The following TDRD7 variants were observed in gnomAD, a reference collection of about 807,000 sequenced individuals.
TDRD7 encodes tudor domain-containing protein 7.
A neutral mutation model predicts 109.8 loss-of-function variants in TDRD7; 47 were observed. The ratio of observed to expected loss-of-function variants is 0.43; its 90% CI spans 0.34 to 0.55. The LOEUF (loss-of-function observed/expected upper bound fraction) is 0.55, where lower values mean the gene tolerates loss of function less well. TDRD7 is among the 20% of genes least tolerant of loss of function. The pLI, the probability that TDRD7 is intolerant of heterozygous loss-of-function variation, is 0.03. For missense variants in TDRD7, 1,164 were observed against 1,319.2 expected (o/e 0.88, Z 1.82); for synonymous variants, 424 against 457.3 (o/e 0.93, Z 0.93).
intron 12 of TDRD7, among the ~76,000 whole-genome samples, chr9:97,476,897 C>G (rs1829031748): frequency 6.6e-6 from 1 of 152,036 alleles, no homozygotes; most frequent in Non-Finnish European, 1.5e-5. Flanking sequence ...AAAACTTGGT[C>G]ATGTCTACTT....
chr9:97,472,611 G>A (rs368639229), intron 10 of TDRD7, 116 bp downstream of exon 10: 1 of 910,762 alleles, frequency 1.1e-6, no homozygotes, highest in East Asian at 2.6e-5. Context: ...TTACATTGAG[G>A]GGAAAAAAGG....
At chr9:97,451,575 C>T (rs760503691) in intron 6 of TDRD7, among the ~76,000 whole-genome samples, 8 of 152,204 alleles carry the variant, frequency 5.3e-5, no homozygotes, top group South Asian at 2.1e-4. Context: ...TATAGGCGTG[C>T]GCTGCTGCAC....
intron 12 of TDRD7, among the ~76,000 whole-genome samples, chr9:97,477,104 TACTA>T (rs1168041970): frequency 2.0e-5 from 3 of 152,232 alleles, no homozygotes; most frequent in Non-Finnish European, 4.4e-5. Flanking sequence ...AGTGTATGCA[TACTA>T]ACTTTTTCAA....
chr9:97,479,166 C>T (rs1264019902), intron 13 of TDRD7, among the ~76,000 whole-genome samples: 1 of 152,156 alleles, frequency 6.6e-6, no homozygotes, highest in African/African-American at 2.4e-5. Flanking sequence ...TATTCTACAA[C>T]TTCAAGATGC....
chr9:97,422,787 T>C (rs1471961766), intron 1 of TDRD7, among the ~76,000 whole-genome samples: 2 of 152,192 alleles, frequency 1.3e-5, no homozygotes, highest in Non-Finnish European at 2.9e-5. Context: ...ATTGATATGA[T>C]TGTGTTGTTT....
chr9:97,426,052 T>C (rs928367891), intron 1 of TDRD7, among the ~76,000 whole-genome samples: 1 of 152,070 alleles, frequency 6.6e-6, no homozygotes, highest in African/African-American at 2.4e-5. Flanking sequence ...AGTAAAAATA[T>C]GGTATATAAA....
At chr9:97,469,622 G>T (rs1461733532) in intron 8 of TDRD7, among the ~76,000 whole-genome samples, 1 of 152,072 alleles carries the variant, frequency 6.6e-6, no homozygotes, top group Admixed American at 6.6e-5. Flanking sequence ...TTGTTGTTTT[G>T]TTTGCTTTGT....
At chr9:97,489,248 C>T (rs1436147963) in intron 16 of TDRD7, among the ~76,000 whole-genome samples, 3 of 152,194 alleles carry the variant, frequency 2.0e-5, no homozygotes, top group Admixed American at 6.5e-5. Flanking sequence ...GTTTTAAAAT[C>T]TCTACCTATC....
At chr9:97,473,384 T>G (rs1268411632) in intron 10 of TDRD7, 108 bp from the exon 11 acceptor site, 20 of 1,477,202 alleles carry the variant, frequency 1.4e-5, no homozygotes, top group Non-Finnish European at 1.8e-5. Flanking sequence ...ACTTAAAGAT[T>G]TTAAAATGCA....
rs1157594986 is a variant in TDRD7, at chr9:97,459,731, A to G, written c.856-447A>G. 2.0e-5 allele frequency among the ~76,000 whole-genome samples: 3 copies of G among 152,240 alleles called. No individual in the cohort carries two copies. The South Asian group carries it at 6.2e-4, about 31-fold the overall frequency. On this transcript the variant is annotated intron_variant, in intron 6 of 16. Transcript: ENST00000355295. The stretch of plus-strand genomic sequence containing the variant: ...GGAAAGCCAAGGGTTTTCTCAGGCT[A>G]TTGCAAGAAGAAGAGAGATGGCACT...
At chr9:97,437,970 C>A (rs1434213269) in intron 4 of TDRD7, among the ~76,000 whole-genome samples, 1 of 152,028 alleles carries the variant, frequency 6.6e-6, no homozygotes, top group Non-Finnish European at 1.5e-5. Context: ...CTTTCCTCTC[C>A]AGTAGACCTC....
At chr9:97,454,152 T>C (rs937353027) in intron 6 of TDRD7, among the ~76,000 whole-genome samples, 1 of 152,152 alleles carries the variant, frequency 6.6e-6, no homozygotes, top group African/African-American at 2.4e-5. Flanking sequence ...GGAAGTAAAA[T>C]GCTCCTCAGC....
At chr9:97,461,171 G>T (rs1012184832) in intron 7 of TDRD7, among the ~76,000 whole-genome samples, 111 of 151,558 alleles carry the variant, frequency 7.3e-4, no homozygotes, top group South Asian at 2.1e-3. Context: ...CATATTCTTA[G>T]TTCTATAGAG....
chr9:97,434,581 A>T (rs1828161986), intron 4 of TDRD7, among the ~76,000 whole-genome samples: 1 of 152,162 alleles, frequency 6.6e-6, no homozygotes, highest in African/African-American at 2.4e-5. Flanking sequence ...TCAAAATATC[A>T]CATCATATTG....
At chr9:97,472,770 C>CA (rs1828944580) in intron 10 of TDRD7, among the ~76,000 whole-genome samples, 1 of 151,534 alleles carries the variant, frequency 6.6e-6, no homozygotes, top group Admixed American at 6.6e-5. Flanking sequence ...AAAAATAACA[C>CA]AAAAGAAGGG....
chr9:97,441,059 T>C (rs1358242780), intron 5 of TDRD7, among the ~76,000 whole-genome samples: 1 of 152,232 alleles, frequency 6.6e-6, no homozygotes, highest in Non-Finnish European at 1.5e-5. Flanking sequence ...AAACCTTTTA[T>C]GTTTATAAAC....
intron 15 of TDRD7, among the ~76,000 whole-genome samples, chr9:97,483,564 T>C (rs1829160019): frequency 1.3e-5 from 2 of 152,150 alleles, no homozygotes; most frequent in South Asian, 2.1e-4. Flanking sequence ...CCCAATTATA[T>C]AACTAAAATG....
At chr9:97,475,284 G>A in intron 11 of TDRD7, 99 bp from the exon 12 acceptor site, 2 of 931,088 alleles carry the variant, frequency 2.1e-6, no homozygotes, top group Admixed American at 1.9e-5. Flanking sequence ...CTACATGTCG[G>A]TTAAGTCTGC....
chr9:97,491,959 T>C (rs1296214272), intron 16 of TDRD7, among the ~76,000 whole-genome samples: 1 of 152,176 alleles, frequency 6.6e-6, no homozygotes, highest in Non-Finnish European at 1.5e-5. Flanking sequence ...CCCTGGAGTT[T>C]TTAACTCTCA....
Sources: allele counts gnomAD v4.1 joint callset (sites outside exome capture counted in the v4.1 genomes callset), GRCh38; gene constraint gnomAD v4.1.1; transcripts MANE v1.5; gene names NCBI Gene and HGNC (gene_info 2026-07-23, HGNC 2026-07-21).